The following PXDNL variants were observed in gnomAD, a reference collection of about 807,000 sequenced individuals.
PXDNL encodes the protein probable oxidoreductase PXDNL.
PXDNL carries 145 observed loss-of-function variants against 150.8 expected under a neutral mutation model. The ratio of observed to expected loss-of-function variants is 0.96; its 90% confidence interval spans 0.84 to 1.10. The LOEUF (loss-of-function observed/expected upper bound fraction) is 1.10, where lower values mean the gene tolerates loss of function less well. PXDNL is among the 50% of genes least tolerant of loss of function. PXDNL has a pLI of 0.00. For missense variants in PXDNL, 2,087 were observed against 1,873.9 expected (o/e 1.11, Z -2.10); for synonymous variants, 757 against 725.7 (o/e 1.04, Z -0.69).
At chr8:51,352,524 G>T (rs2163526) in intron 19 of PXDNL, among the ~76,000 whole-genome samples, 60 of 152,140 alleles carry the variant, frequency 3.9e-4, no homozygotes, top group Admixed American at 7.2e-4. Context: ...ATAGTGAGGG[G>T]GTTCTCACGA....
At chr8:51,494,591 C>G (rs1324563221) in intron 5 of PXDNL, among the ~76,000 whole-genome samples, 1 of 151,976 alleles carries the variant, frequency 6.6e-6, no homozygotes, top group Non-Finnish European at 1.5e-5. Flanking sequence ...GAAGATCTAC[C>G]AAGCAAATAG....
At position 51,778,735 on chromosome 8, in the gene PXDNL, C is replaced by T. The variant is rs531638698; in HGVS notation, c.164+30446G>A. ...CGTTCTTCTCTGCTTTGGAGCCTCC[C>T]ACGCTTTCACTTTTAAATGAAAGAT... On this transcript the variant is annotated intron_variant, in intron 1 of 22. Transcript: ENST00000356297. 3.3e-5 allele frequency among the ~76,000 whole-genome samples: 5 copies of T among 152,316 alleles called. No homozygotes were observed. The South Asian group carries it at 8.3e-4, about 25-fold the overall frequency.
chr8:51,570,893 A>C (rs1156656364), intron 3 of PXDNL, among the ~76,000 whole-genome samples: 1 of 151,874 alleles, frequency 6.6e-6, no homozygotes, highest in Non-Finnish European at 1.5e-5. Context: ...TATATATGCA[A>C]TAGTAGCTAA....
At chr8:51,377,903 G>A (rs2130800856) in intron 17 of PXDNL, among the ~76,000 whole-genome samples, 1 of 152,374 alleles carries the variant, frequency 6.6e-6, no homozygotes, top group South Asian at 2.1e-4. Context: ...GCTGAGGAGT[G>A]CAGGAGCAGA....
At chr8:51,354,236 T>G (rs538718565) in intron 19 of PXDNL, among the ~76,000 whole-genome samples, 2 of 152,250 alleles carry the variant, frequency 1.3e-5, no homozygotes, top group Non-Finnish European at 2.9e-5. Flanking sequence ...ACAAATGTAA[T>G]GAGGATTTCT....
At chr8:51,772,335 C>A (rs2037308002) in intron 1 of PXDNL, among the ~76,000 whole-genome samples, 1 of 151,990 alleles carries the variant, frequency 6.6e-6, no homozygotes, top group Admixed American at 6.6e-5. Flanking sequence ...GATACCTGTG[C>A]TTTCTGGGGA....
chr8:51,533,381 C>T (rs1811949525), intron 4 of PXDNL, among the ~76,000 whole-genome samples: 1 of 151,956 alleles, frequency 6.6e-6, no homozygotes, highest in African/African-American at 2.4e-5. Context: ...GAACTCCTGA[C>T]CTCAGGTGAT....
intron 12 of PXDNL, among the ~76,000 whole-genome samples, chr8:51,438,559 C>CA (rs1377901682): frequency 6.6e-6 from 1 of 152,034 alleles, no homozygotes; most frequent in Non-Finnish European, 1.5e-5. Context: ...ACTAAAAATA[C>CA]AAAAAATTAG....
chr8:51,381,358 C>G (rs1807532439), intron 17 of PXDNL, among the ~76,000 whole-genome samples: 1 of 151,730 alleles, frequency 6.6e-6, no homozygotes, highest in East Asian at 1.9e-4. Context: ...TCCTGTGTTT[C>G]CAATAAAATG....
intron 21 of PXDNL, among the ~76,000 whole-genome samples, chr8:51,334,826 T>C (rs1805791913): frequency 6.6e-6 from 1 of 152,170 alleles, no homozygotes; most frequent in African/African-American, 2.4e-5. Flanking sequence ...GCTTATTAGG[T>C]CTTCTCATCT....
intron 21 of PXDNL, among the ~76,000 whole-genome samples, chr8:51,338,239 G>C (rs1805888932): frequency 6.6e-6 from 1 of 151,478 alleles, no homozygotes; most frequent in African/African-American, 2.4e-5. Context: ...TGATTTCAAT[G>C]GTGGCTATTT....
intron 2 of PXDNL, among the ~76,000 whole-genome samples, chr8:51,607,970 AAAGG>A (rs1487290700): frequency 3.5e-5 from 5 of 142,102 alleles, no homozygotes; most frequent in Admixed American, 6.9e-5. Flanking sequence ...AAAGAGAAAG[AAAGG>A]AAGGAAGGAA....
At chr8:51,440,304 G>A (rs2129875414) in intron 12 of PXDNL, among the ~76,000 whole-genome samples, 1 of 152,176 alleles carries the variant, frequency 6.6e-6, no homozygotes, top group South Asian at 2.1e-4. Flanking sequence ...GGTGAGGGAT[G>A]AAAGACTACA....
chr8:51,671,819 C>T (rs1014437689), intron 1 of PXDNL, among the ~76,000 whole-genome samples: 6 of 152,122 alleles, frequency 3.9e-5, no homozygotes, highest in African/African-American at 1.2e-4. Context: ...ACTTTCTCTC[C>T]GTCTCCTCCC....
intron 3 of PXDNL, among the ~76,000 whole-genome samples, chr8:51,566,256 T>C (rs1456308725): frequency 2.0e-5 from 3 of 151,862 alleles, no homozygotes; most frequent in Non-Finnish European, 4.4e-5. Flanking sequence ...TTATTTCCTG[T>C]AATATATTTT....
chr8:51,679,895 T>G (rs754690355), intron 1 of PXDNL, among the ~76,000 whole-genome samples: 53 of 152,324 alleles, frequency 3.5e-4, no homozygotes, highest in Non-Finnish European at 7.1e-4. Context: ...AAGTTATCCC[T>G]GTTTGTGCAC....
intron 20 of PXDNL, among the ~76,000 whole-genome samples, chr8:51,340,399 T>G (rs1396491008): frequency 6.6e-6 from 1 of 152,242 alleles, no homozygotes; most frequent in Admixed American, 6.5e-5. Flanking sequence ...TATTTACAAT[T>G]ATCATGTATT....
chr8:51,771,159 A>G (rs71513550), intron 1 of PXDNL, among the ~76,000 whole-genome samples: 9,238 of 152,320 alleles, frequency 0.061, 378 homozygotes, highest in Non-Finnish European at 0.087. Flanking sequence ...AAATATGTCC[A>G]GCCAAATTCA....
intron 8 of PXDNL, 62 bp downstream of exon 8, chr8:51,472,125 A>G: frequency 9.2e-7 from 1 of 1,091,044 alleles, no homozygotes; most frequent in Non-Finnish European, 1.4e-6. Context: ...AGTTAAATTG[A>G]GTTAAAAAGA....
Sources: gnomAD v4.1 joint callset for allele counts (sites outside exome capture counted in the v4.1 genomes callset) on GRCh38, gnomAD v4.1.1 for gene constraint, MANE v1.5 for transcripts, NCBI Gene and HGNC (gene_info 2026-07-23, HGNC 2026-07-21) for gene names.